Variants in BMPR2 observed in about 807,000 individuals in gnomAD.
BMPR2 encodes the protein bone morphogenetic protein receptor type 2, also known as bone morphogenetic protein receptor type-2.
A neutral mutation model predicts 100.8 loss-of-function variants in BMPR2; 29 were observed. The ratio of observed to expected loss-of-function variants is 0.29; its 90% CI spans 0.21 to 0.39. BMPR2 has a LOEUF of 0.39. Ranked by LOEUF, BMPR2 falls within the 10% of genes least tolerant of loss-of-function variation. The pLI is 1.00. For missense variants in BMPR2, 1,011 were observed against 1,274.5 expected, an observed-to-expected ratio of 0.79 and a Z score of 3.15; for synonymous variants, 382 against 442.3, an observed-to-expected ratio of 0.86 and a Z score of 1.71.
At chr2:202,543,001 A>T (rs943378491) in intron 10 of BMPR2, among the ~76,000 whole-genome samples, 1 of 151,582 alleles carries the variant, frequency 6.6e-6, no homozygotes, top group Non-Finnish European at 1.5e-5. Flanking sequence ...ACATGGTGAA[A>T]CCCCACCTCT....
chr2:202,440,733 C>G (rs1411571378), intron 1 of BMPR2, among the ~76,000 whole-genome samples: 1 of 150,258 alleles, frequency 6.7e-6, no homozygotes, highest in African/African-American at 2.5e-5. Flanking sequence ...TTGCAGTGAG[C>G]CGAGATGGTG....
chr2:202,560,206 A>T lies in BMPR2; in HGVS notation c.*260A>T. ...ATTTGTCTGTTATGACCACAGAGTT[A>T]TATGTGTGTGTATCAAAAGTGGTCT... is the stretch of plus-strand genomic sequence containing the variant. On this transcript the variant is annotated 3_prime_UTR_variant, in exon 13 of 13. Coordinates refer to ENST00000374580, the MANE Select transcript of BMPR2 (RefSeq NM_001204.7). 1 of 458,082 alleles carries T rather than the reference A, an allele frequency of 2.2e-6. No homozygotes were observed. Among genetic ancestry groups the T allele is most frequent in the Non-Finnish European group, 3.9e-6 (1 of 253,972 alleles). The allele number at this position is 458,082 out of a possible 1,614,324, so 28.4% of individuals were successfully genotyped here. A position where few individuals can be genotyped will look rare whatever the true frequency, so the allele number is the denominator to read the frequency against.
At chr2:202,418,676 A>G (rs1427647244) in intron 1 of BMPR2, among the ~76,000 whole-genome samples, 1 of 152,240 alleles carries the variant, frequency 6.6e-6, no homozygotes, top group Non-Finnish European at 1.5e-5. Context: ...TTACCCTCTG[A>G]AGACCTGGAA....
chr2:202,458,489 A>C (rs771832892), intron 1 of BMPR2, among the ~76,000 whole-genome samples: 29 of 151,652 alleles, frequency 1.9e-4, no homozygotes, highest in Non-Finnish European at 2.4e-4. Context: ...TTTTTTTTTT[A>C]AATTAAATGC....
At chr2:202,455,511 CATGATAGCTATTGATACACAAAAGACG>C in intron 1 of BMPR2, among the ~76,000 whole-genome samples, 1 of 152,202 alleles carries the variant, frequency 6.6e-6, no homozygotes, top group Non-Finnish European at 1.5e-5. Flanking sequence ...GGAAGTCTGT[CATGATAGCTATTGATACACAAAAGACG>C]TTAGTCTTAT....
intron 1 of BMPR2, among the ~76,000 whole-genome samples, chr2:202,397,985 G>A (rs926760230): frequency 6.6e-6 from 1 of 151,646 alleles, no homozygotes; most frequent in Non-Finnish European, 1.5e-5. Flanking sequence ...AGCCAGGCAC[G>A]GTGGCAGGCA....
Position 202,378,507 on chromosome 2 carries a change from A to G in BMPR2, c.76+957A>G, listed in dbSNP as rs114864779. On this transcript the variant is annotated intron_variant, in intron 1 of 12. Transcript: ENST00000374580. ...TTTTTTCTTTTGATAAGTGTGTTTC[A>G]CATTAAACAAATTTCTCATTGCTAT... is the stretch of plus-strand genomic sequence containing the variant. Among the ~76,000 whole-genome samples, 279 of 152,328 alleles carry G rather than the reference A, an allele frequency of 1.8e-3. 1 individual carries two copies. The highest frequency in any genetic ancestry group is 3.3e-3 in the Non-Finnish European group (224 of 68,030).
At chr2:202,551,449 G>A (rs562503684) in intron 10 of BMPR2, among the ~76,000 whole-genome samples, 103 of 151,704 alleles carry the variant, frequency 6.8e-4, no homozygotes, top group African/African-American at 2.2e-3. Context: ...ACTTGAACCC[G>A]GGAGGCGGAA....
chr2:202,377,486 G>C lies in BMPR2; in HGVS notation c.12G>C (p.Ser4=). The part of the protein sequence containing the change: MTS[S]LQRPWRVPWL... ...TGGCTGGCCCAGGGATGACTTCCTC[G>C]CTGCAGCGGCCCTGGCGGGTGCCCT... The change falls in exon 1 of 13, where the codon TCG becomes TCC. Residue 4 remains serine (S), a synonymous_variant. Coordinates refer to ENST00000374580, the MANE Select transcript of BMPR2 (RefSeq NM_001204.7). The C allele has an allele frequency of 6.2e-7, 1 of 1,614,188 alleles. No individual in the cohort carries two copies.
Position 202,377,403 on chromosome 2 carries a change from C to A in BMPR2, c.-72C>A. On this transcript the variant is annotated 5_prime_UTR_variant, in exon 1 of 13. Transcript: ENST00000374580. ...GTCCACGGGAGAGAAGACGAGCCTC[C>A]CGGCTGTTTCTCCGCCGGTCTACTT... 2 of 1,462,526 alleles carry A rather than the reference C, an allele frequency of 1.4e-6. No individual in the cohort carries two copies. The highest frequency in any genetic ancestry group is 1.9e-6 in the Non-Finnish European group (2 of 1,041,828). The allele number at this position is 1,462,526 out of a possible 1,614,324, so 90.6% of individuals were successfully genotyped here.
chr2:202,417,626 A>C (rs2105921488), intron 1 of BMPR2, among the ~76,000 whole-genome samples: 1 of 152,110 alleles, frequency 6.6e-6, no homozygotes, highest in South Asian at 2.1e-4. Context: ...TTTTAAATTA[A>C]GGAATGTACA....
At chr2:202,501,413 A>G (rs1687388304) in intron 3 of BMPR2, among the ~76,000 whole-genome samples, 1 of 152,214 alleles carries the variant, frequency 6.6e-6, no homozygotes, top group Non-Finnish European at 1.5e-5. Context: ...AACAGCCTTT[A>G]AAACCTTAAA....
At chr2:202,536,870 C>CAAA (rs34999694) in intron 9 of BMPR2, among the ~76,000 whole-genome samples, 855 of 84,170 alleles carry the variant, frequency 0.01, 5 homozygotes, top group Non-Finnish European at 0.016. Context: ...AACTCGGTCT[C>CAAA]AAAAAAAAAA....
chr2:202,530,702 A>G, intron 7 of BMPR2, 92 bp from the exon 8 acceptor site: 4 of 1,203,956 alleles, frequency 3.3e-6, no homozygotes, highest in Admixed American at 5.0e-5. Context: ...TAATGGGCAG[A>G]AAAATAATAC....
At chr2:202,379,105 A>G (rs1690217295) in intron 1 of BMPR2, among the ~76,000 whole-genome samples, 1 of 152,236 alleles carries the variant, frequency 6.6e-6, no homozygotes, top group East Asian at 1.9e-4. Flanking sequence ...ATCACTGCTT[A>G]AAAGTGGTTG....
At position 202,537,949 on chromosome 2, in the gene BMPR2, C is replaced by T. The variant is rs117898629; in HGVS notation, c.1277-4362C>T. Among the ~76,000 whole-genome samples, 115 of 152,064 alleles carry T rather than the reference C, an allele frequency of 7.6e-4. No individual in the cohort carries two copies. In the East Asian group the frequency reaches 0.022, roughly 29 times the overall value. ...ACCAGCCTGGCCAGCATGGTGAAAC[C>T]CCGCTCTACTACAAATACAAAAATT... On this transcript the variant is annotated intron_variant, in intron 9 of 12. Transcript: ENST00000374580.
chr2:202,429,179 A>G (rs1691452887), intron 1 of BMPR2, among the ~76,000 whole-genome samples: 1 of 151,936 alleles, frequency 6.6e-6, no homozygotes, highest in Non-Finnish European at 1.5e-5. Context: ...TCTTCCCCCA[A>G]TCTCTTTTTC....
intron 1 of BMPR2, among the ~76,000 whole-genome samples, chr2:202,393,894 A>C (rs796343474): frequency 1.2e-3 from 118 of 96,942 alleles, no homozygotes; most frequent in African/African-American, 5.5e-3. Flanking sequence ...AGAGAGAGAG[A>C]GAGAGAGAGA....
Position 202,390,694 on chromosome 2 carries a change from G to A in BMPR2, c.76+13144G>A, listed in dbSNP as rs533790581. On this transcript the variant is annotated intron_variant, in intron 1 of 12. Coordinates refer to ENST00000374580, the MANE Select transcript of BMPR2 (RefSeq NM_001204.7). ...CGTAATATCATTCTTTTCAATTTTT[G>A]CCAGAGCAAAATAAATGATATCTTG... Among the ~76,000 whole-genome samples, 139 of 151,946 alleles carry A rather than the reference G, an allele frequency of 9.1e-4. 1 individual carries two copies. The highest frequency in any genetic ancestry group is 3.2e-3 in the African/African-American group (131 of 41,434).
Sources: gnomAD v4.1 joint callset for allele counts (sites outside exome capture counted in the v4.1 genomes callset) on GRCh38, gnomAD v4.1.1 for gene constraint, MANE v1.5 for transcripts, NCBI Gene and HGNC (gene_info 2026-07-23, HGNC 2026-07-21) for gene names.